The following NR3C1 variants were observed in gnomAD, a reference collection of about 807,000 sequenced individuals.
The protein encoded by NR3C1 is nuclear receptor subfamily 3 group C member 1, also known as glucocorticoid receptor.
NR3C1 carries 14 observed loss-of-function variants against 74.0 expected under a neutral mutation model. The ratio of observed to expected loss-of-function variants is 0.19; its 90% CI spans 0.12 to 0.30. The LOEUF is 0.30. Ranked by LOEUF, NR3C1 falls within the 10% of genes least tolerant of loss-of-function variation. NR3C1 has a pLI of 1.00. For synonymous variants in NR3C1, 308 were observed against 332.5 expected, an observed-to-expected ratio of 0.93 and a Z score of 0.80; for missense variants, 695 against 909.8, an observed-to-expected ratio of 0.76 and a Z score of 3.04.
chr5:143,286,262 GT>G (rs991700260), intron 7 of NR3C1, among the ~76,000 whole-genome samples: 1 of 152,038 alleles, frequency 6.6e-6, no homozygotes, highest in Non-Finnish European at 1.5e-5. Context: ...TCACTGCTGA[GT>G]TTTACCAAAC....
chr5:143,375,638 T>G (rs1835061235), intron 2 of NR3C1: 1 of 152,212 alleles, frequency 6.6e-6, no homozygotes, highest in Non-Finnish European at 1.5e-5. Context: ...GCACTTTTAT[T>G]TACAAGTAAG....
At chr5:143,304,561 T>A (rs1413547556) in intron 4 of NR3C1, among the ~76,000 whole-genome samples, 1 of 152,110 alleles carries the variant, frequency 6.6e-6, no homozygotes, top group South Asian at 2.1e-4. Flanking sequence ...AAAAGCATTC[T>A]AAAATTCCTA....
intron 7 of NR3C1, chr5:143,294,035 G>A (rs1816568629): frequency 1.0e-6 from 1 of 985,062 alleles, no homozygotes; most frequent in African/African-American, 1.7e-5. Context: ...ATCTTTATCG[G>A]GTTCTCTTGC....
intron 1 of NR3C1, among the ~76,000 whole-genome samples, chr5:143,434,336 C>A (rs1370784087): frequency 1.3e-5 from 2 of 152,190 alleles, no homozygotes; most frequent in Non-Finnish European, 2.9e-5. Flanking sequence ...CTGAGAAACT[C>A]AGAGCAAACT....
At chr5:143,392,458 A>G (rs1838421109) in intron 2 of NR3C1, among the ~76,000 whole-genome samples, 3 of 152,224 alleles carry the variant, frequency 2.0e-5, no homozygotes, top group Middle Eastern at 6.8e-3. Flanking sequence ...TTAAAGATAC[A>G]TGAGGAACTA....
chr5:143,311,066 CT>C (rs1205593026), intron 3 of NR3C1, among the ~76,000 whole-genome samples: 18 of 152,176 alleles, frequency 1.2e-4, no homozygotes, highest in African/African-American at 4.3e-4. Context: ...TATAATTCAC[CT>C]TTGTTCAGAG....
intron 1 of NR3C1, among the ~76,000 whole-genome samples, chr5:143,412,119 C>T (rs1489097379): frequency 6.6e-6 from 1 of 152,006 alleles, no homozygotes; most frequent in Non-Finnish European, 1.5e-5. Flanking sequence ...GCATAGAAAG[C>T]TGTGCCAGAG....
At chr5:143,364,396 C>T (rs1200346854) in intron 2 of NR3C1, among the ~76,000 whole-genome samples, 1 of 152,182 alleles carries the variant, frequency 6.6e-6, no homozygotes, top group African/African-American at 2.4e-5. Flanking sequence ...AGGAGTCTTT[C>T]AGGTTGAAAC....
intron 1 of NR3C1, among the ~76,000 whole-genome samples, chr5:143,412,155 A>G (rs965733263): frequency 6.6e-5 from 10 of 151,574 alleles, no homozygotes; most frequent in African/African-American, 1.9e-4. Context: ...GGGTTGTAGT[A>G]GGAAGTAGGA....
chr5:143,333,260 A>T, intron 2 of NR3C1: 1 of 1,112,686 alleles, frequency 9.0e-7, no homozygotes, highest in Non-Finnish European at 1.3e-6. Flanking sequence ...GGCAGGGCTG[A>T]AAACTGCCCT....
intron 2 of NR3C1, among the ~76,000 whole-genome samples, chr5:143,365,703 A>G (rs1271831039): frequency 6.6e-6 from 1 of 152,250 alleles, no homozygotes; most frequent in Non-Finnish European, 1.5e-5. Context: ...CAGAATACAC[A>G]TTCTTCTCAA....
intron 7 of NR3C1, among the ~76,000 whole-genome samples, chr5:143,285,755 A>C (rs1385706728): frequency 6.6e-6 from 1 of 152,158 alleles, no homozygotes; most frequent in Non-Finnish European, 1.5e-5. Context: ...GATGCAATGA[A>C]GACAGTGCTT....
intron 2 of NR3C1, among the ~76,000 whole-genome samples, chr5:143,387,516 A>G (rs1837460797): frequency 6.6e-6 from 1 of 152,108 alleles, no homozygotes; most frequent in Non-Finnish European, 1.5e-5. Context: ...TTCTTCAGCT[A>G]TTCATTTATT....
intron 2 of NR3C1, chr5:143,375,864 A>G (rs1835099977): frequency 6.6e-6 from 1 of 152,216 alleles, no homozygotes; most frequent in South Asian, 2.1e-4. Flanking sequence ...CAAAATAATC[A>G]TGTTACATTC....
chr5:143,376,554 T>C (rs924075623), intron 2 of NR3C1, among the ~76,000 whole-genome samples: 1 of 152,236 alleles, frequency 6.6e-6, no homozygotes, highest in African/African-American at 2.4e-5. Flanking sequence ...TTGGCTATTG[T>C]GGGATTCTCC....
Position 143,403,197 on chromosome 5 carries a change from G to A in NR3C1, c.-14+14C>T, listed in dbSNP as rs1840682833. 4 of 982,282 alleles carry A rather than the reference G, an allele frequency of 4.1e-6. No homozygotes were observed. The highest frequency in any genetic ancestry group is 4.8e-6 in the Non-Finnish European group (4 of 829,464). 60.8% of individuals were successfully genotyped at this position (982,282 alleles called of 1,614,324 possible). ...AGCGAGCGCGCCCCGGCCCCCTCCC[G>A]CCTCGCTTCTTACCTCTGGCAGAGG... On this transcript the variant is annotated intron_variant, in intron 1 of 8. Coordinates refer to ENST00000394464, the MANE Select transcript of NR3C1 (RefSeq NM_000176.3).
chr5:143,397,058 T>G (rs1396698763), intron 2 of NR3C1, among the ~76,000 whole-genome samples: 2 of 151,856 alleles, frequency 1.3e-5, no homozygotes, highest in Non-Finnish European at 3.0e-5. Flanking sequence ...ACTTAGAAAA[T>G]GCTTTACTAA....
At chr5:143,411,514 C>A (rs777261851) in intron 1 of NR3C1, among the ~76,000 whole-genome samples, 12 of 152,134 alleles carry the variant, frequency 7.9e-5, no homozygotes, top group Non-Finnish European at 1.2e-4. Context: ...TGAATGACTT[C>A]TTTGCTGATT....
intron 2 of NR3C1, among the ~76,000 whole-genome samples, chr5:143,396,613 A>T (rs1839230472): frequency 6.6e-6 from 1 of 151,820 alleles, no homozygotes; most frequent in East Asian, 1.9e-4. Flanking sequence ...CTTTTATAAA[A>T]CCAGATACAG....
Sources: allele counts gnomAD v4.1 joint callset (sites outside exome capture counted in the v4.1 genomes callset), GRCh38; gene constraint gnomAD v4.1.1; transcripts MANE v1.5; gene names NCBI Gene and HGNC (gene_info 2026-07-23, HGNC 2026-07-21).